The following DNAJC6 variants were observed in gnomAD, a reference collection of about 807,000 sequenced individuals.
DNAJC6 encodes the protein auxilin.
In DNAJC6, 34 loss-of-function variants were observed where a neutral mutation model predicts 110.0. That is an observed-to-expected ratio of 0.31 (90% CI 0.24 to 0.41). The LOEUF (loss-of-function observed/expected upper bound fraction) is 0.41, where lower values mean the gene tolerates loss of function less well. Ranked by LOEUF, DNAJC6 falls within the 10% of genes least tolerant of loss-of-function variation. The pLI is 1.00. For synonymous variants in DNAJC6, 406 were observed against 437.2 expected (o/e 0.93, Z 0.89); for missense variants, 1,031 against 1,207.8 (o/e 0.85, Z 2.17).
In DNAJC6 at chr1:65,363,170, A is replaced by C. The variant is rs533507750; in HGVS notation, c.194-1465A>C. On this transcript the variant is annotated intron_variant, in intron 1 of 18. Transcript: ENST00000371069. ...TGGGGAAAATCCACCTCCATGATCCAATCACTTCCCACCAGGTTCCTCCCC... is the reference window on the plus strand; with the variant it reads ...TGGGGAAAATCCACCTCCATGATCCCATCACTTCCCACCAGGTTCCTCCCC... 3.9e-5 allele frequency among the ~76,000 whole-genome samples: 6 copies of C among 152,270 alleles called. No homozygotes were observed. The East Asian group carries it at 1.2e-3, about 29-fold the overall frequency.
intron 16 of DNAJC6, among the ~76,000 whole-genome samples, chr1:65,407,758 A>C (rs563177419): frequency 6.6e-6 from 1 of 152,322 alleles, no homozygotes; most frequent in Non-Finnish European, 1.5e-5. Flanking sequence ...GGGAACAAGA[A>C]ACAAAATCCC....
chr1:65,284,252 C>T (rs1284339773), intron 1 of DNAJC6, among the ~76,000 whole-genome samples: 1 of 152,162 alleles, frequency 6.6e-6, no homozygotes, highest in Non-Finnish European at 1.5e-5. Flanking sequence ...ACCTTACCAC[C>T]TCTCAACAAG....
In DNAJC6 at chr1:65,392,503, A is replaced by T. The variant is rs761459753; in HGVS notation, c.1541A>T (p.Asp514Val). 1.9e-6 allele frequency: 3 copies of T among 1,614,042 alleles called. No individual in the cohort carries two copies. Among genetic ancestry groups the T allele is most frequent in the Non-Finnish European group, 2.5e-6 (3 of 1,179,976 alleles). The change falls in exon 12 of 19, where the codon GAT (aspartate) becomes GTT (valine). Residue 514 changes from aspartate to valine, a missense_variant. Transcript: ENST00000371069. The part of the protein sequence containing the change: ...ALVNQESEQS[D>V]DELLTLSSPH... ...GTGAATCAGGAAAGTGAGCAATCAGATGATGAACTTCTGACACTTTCCAGT... is the reference window on the plus strand; with the variant it reads ...GTGAATCAGGAAAGTGAGCAATCAGTTGATGAACTTCTGACACTTTCCAGT...
Position 65,398,819 on chromosome 1 carries a change from G to C in DNAJC6, c.2045G>C (p.Ser682Thr), listed in dbSNP as rs753555134. ...RSPSPTVHAS[S>T]TPAVNIQPDV... ...TTCTTTTCCCCATTTGCAGCTTCTA[G>C]TACGCCTGCTGTGAACATTCAGCCA... is the stretch of plus-strand genomic sequence containing the variant. Residue 682 changes from serine to threonine, a missense_variant, in exon 14 of 19, where the codon AGT becomes ACT. By Grantham distance (58) the Ser-to-Thr change is moderately conservative. Coordinates refer to ENST00000371069, the MANE Select transcript of DNAJC6 (RefSeq NM_001256864.2). 1 of 1,614,078 alleles carries C rather than the reference G, an allele frequency of 6.2e-7. No homozygotes were observed. The highest frequency in any genetic ancestry group is 1.7e-5 in the Admixed American group (1 of 60,020).
At chr1:65,364,823 A>G (rs1451379997) in intron 2 of DNAJC6, 38 bp downstream of exon 2, 1 of 1,607,994 alleles carries the variant, frequency 6.2e-7, no homozygotes, top group South Asian at 1.1e-5. Context: ...GTGGATCCCC[A>G]TGCTCTCAAA....
At chr1:65,307,010 CTCTCTCTCTA>C (rs1329257006), upstream of DNAJC6, among the ~76,000 whole-genome samples, 367 of 84,670 alleles carry the variant, frequency 4.3e-3, no homozygotes, top group Admixed American at 8.4e-3. Flanking sequence ...CTCTCTCTCT[CTCTCTCTCTA>C]TATATATATA....
Position 65,276,695 on chromosome 1 carries a change from C to T in DNAJC6, c.-131+11763C>T, listed in dbSNP as rs74080375. On this transcript the variant is annotated intron_variant, in intron 1 of 19. Coordinates refer to the DNAJC6 transcript ENST00000263441. ...TCATTGTGCTTTTCATTTGCTTTCT[C>T]GTTGGCTTCTTAGCCTCTGCTCTGG... is the stretch of plus-strand genomic sequence containing the variant. 6.5e-3 allele frequency among the ~76,000 whole-genome samples: 984 copies of T among 152,280 alleles called. 9 individuals are homozygous for T. Among genetic ancestry groups the T allele is most frequent in the African/African-American group, 0.022 (912 of 41,544 alleles).
At chr1:65,410,906 C>A (rs1232890408) in intron 17 of DNAJC6, among the ~76,000 whole-genome samples, 1 of 152,128 alleles carries the variant, frequency 6.6e-6, no homozygotes, top group African/African-American at 2.4e-5. Context: ...AGAAGTTTGG[C>A]CCTTTTTTAA....
rs143663142 is a variant in DNAJC6, at chr1:65,374,958, G to A, written c.544-4444G>A. On this transcript the variant is annotated intron_variant, in intron 4 of 18. Transcript: ENST00000371069. ...TATTATTTTGAGGTATGTTCCTTCTGTATCTATTTTCTGAGGATTTTTTTT... is the reference window on the plus strand; with the variant it reads ...TATTATTTTGAGGTATGTTCCTTCTATATCTATTTTCTGAGGATTTTTTTT... 2.3e-3 allele frequency among the ~76,000 whole-genome samples: 337 copies of A among 149,720 alleles called. 1 individual carries two copies. The highest frequency in any genetic ancestry group is 8.0e-3 in the African/African-American group (320 of 40,072).
chr1:65,358,440 A>G (rs751025053), intron 1 of DNAJC6, among the ~76,000 whole-genome samples: 12 of 152,182 alleles, frequency 7.9e-5, no homozygotes, highest in Non-Finnish European at 1.5e-4. Context: ...TGTGTATAAG[A>G]TGAAGATAGC....
Position 65,408,685 on chromosome 1 carries a change from C to A in DNAJC6, c.2536C>A (p.Gln846Lys). The A allele has an allele frequency of 6.2e-7, 1 of 1,613,898 alleles. No individual in the cohort carries two copies. The highest frequency in any genetic ancestry group is 8.5e-7 in the Non-Finnish European group (1 of 1,179,916). The change falls in exon 17 of 19, where the codon CAA (glutamine) becomes AAA (lysine). Residue 846 changes from glutamine to lysine, a missense_variant. Transcript: ENST00000371069. ...AADFEDLLSG[Q>K]GFNAHKDKKG... Reference sequence around the variant, plus strand: ...TGATTTTGAAGACCTACTCTCTGGTCAAGGTTTCAATGCTCACAAAGACAA... The same window carrying A: ...TGATTTTGAAGACCTACTCTCTGGTAAAGGTTTCAATGCTCACAAAGACAA...
chr1:65,345,069 A>G (rs1645424761), intron 1 of DNAJC6, among the ~76,000 whole-genome samples: 1 of 151,970 alleles, frequency 6.6e-6, no homozygotes, highest in Non-Finnish European at 1.5e-5. Context: ...GTGGGCTTTT[A>G]CAGATGATGG....
Position 65,266,897 on chromosome 1 carries a change from A to AT in DNAJC6, c.-131+1982dup, listed in dbSNP as rs543244389. On this transcript the variant is annotated intron_variant, in intron 1 of 19. Coordinates refer to the DNAJC6 transcript ENST00000263441. Reference sequence around the variant, plus strand: ...TTTCTAAGGAGAGTTGGTATTTAGAATTTTTTTTTTTTTTTTTGAGATGGA... The same window carrying AT: ...TTTCTAAGGAGAGTTGGTATTTAGAATTTTTTTTTTTTTTTTTTGAGATGGA... Among the ~76,000 whole-genome samples the AT allele has an allele frequency of 6.7e-3, 949 of 141,656 alleles. 8 individuals carry two copies. The highest frequency in any genetic ancestry group is 0.021 in the East Asian group (101 of 4,880). 92.9% of individuals were successfully genotyped at this position (141,656 alleles called of 152,430 possible). A position where few individuals can be genotyped will look rare whatever the true frequency, so the allele number is the denominator to read the frequency against.
intron 4 of DNAJC6, among the ~76,000 whole-genome samples, chr1:65,377,208 T>G (rs9326065): frequency 0.17 from 26,429 of 152,074 alleles, 4,463 homozygotes; most frequent in East Asian, 0.59. Flanking sequence ...CTATTAGATC[T>G]TGAACCTGGG....
chr1:65,408,588 A>G (rs1490427842), intron 16 of DNAJC6, 53 bp from the exon 17 acceptor site: 2 of 1,577,704 alleles, frequency 1.3e-6, no homozygotes, highest in Non-Finnish European at 1.7e-6. Context: ...ATAATGATAC[A>G]GCATTATGTT....
chr1:65,381,876 G>A (rs1027878685), intron 5 of DNAJC6, among the ~76,000 whole-genome samples: 13 of 152,174 alleles, frequency 8.5e-5, no homozygotes, highest in Non-Finnish European at 1.3e-4. Context: ...GACAAAGCTG[G>A]TAGGTAGCAA....
intron 1 of DNAJC6, among the ~76,000 whole-genome samples, chr1:65,341,065 T>C (rs1192850638): frequency 6.6e-6 from 1 of 152,204 alleles, no homozygotes. Context: ...GCCTCATTTC[T>C]GCACCTACTA....
chr1:65,317,261 C>A (rs546403278), intron 1 of DNAJC6, among the ~76,000 whole-genome samples: 3 of 152,294 alleles, frequency 2.0e-5, no homozygotes, highest in East Asian at 3.9e-4. Context: ...TCTGAAAAAA[C>A]TAAATTACAG....
At chr1:65,352,029 G>A (rs895791479) in intron 1 of DNAJC6, among the ~76,000 whole-genome samples, 6 of 152,176 alleles carry the variant, frequency 3.9e-5, no homozygotes, top group Non-Finnish European at 7.3e-5. Flanking sequence ...GCTTCCCAAA[G>A]TGCTAGGATT....
Sources: gnomAD v4.1 joint callset for allele counts (sites outside exome capture counted in the v4.1 genomes callset) on GRCh38, gnomAD v4.1.1 for gene constraint, MANE v1.5 for transcripts, NCBI Gene and HGNC (gene_info 2026-07-23, HGNC 2026-07-21) for gene names.